Variants in FNDC3B observed in about 807,000 individuals in gnomAD.
FNDC3B encodes the protein fibronectin type III domain-containing protein 3B.
FNDC3B carries 12 observed loss-of-function variants against 151.5 expected under a neutral mutation model. The ratio of observed to expected loss-of-function variants is 0.08; its 90% CI spans 0.05 to 0.13. FNDC3B has a LOEUF of 0.13. Among genes scored for constraint, FNDC3B ranks in the 10% least tolerant of loss-of-function variants. The pLI is 1.00. For synonymous variants in FNDC3B, 528 were observed against 549.0 expected, an observed-to-expected ratio of 0.96 and a Z score of 0.54; for missense variants, 1,214 against 1,505.3, an observed-to-expected ratio of 0.81 and a Z score of 3.20.
At chr3:172,376,862 A>G (rs562146676) in intron 23 of FNDC3B, among the ~76,000 whole-genome samples, 109 of 84,932 alleles carry the variant, frequency 1.3e-3, no homozygotes, top group African/African-American at 3.2e-3. Flanking sequence ...AAAAAAAAAA[A>G]AAAGAAAGAA....
chr3:172,057,897 A>C (rs1374076088), intron 1 of FNDC3B, among the ~76,000 whole-genome samples: 1 of 151,768 alleles, frequency 6.6e-6, no homozygotes, highest in Admixed American at 6.6e-5. Context: ...TTAATTTTCT[A>C]ATTTGCAGGG....
chr3:172,095,074 G>A (rs888511057), intron 1 of FNDC3B, among the ~76,000 whole-genome samples: 5 of 151,816 alleles, frequency 3.3e-5, no homozygotes, highest in African/African-American at 4.8e-5. Flanking sequence ...TAAAATACTC[G>A]GCAATTTTTG....
intron 23 of FNDC3B, among the ~76,000 whole-genome samples, chr3:172,366,866 A>T (rs1458571209): frequency 6.6e-6 from 1 of 152,190 alleles, no homozygotes; most frequent in African/African-American, 2.4e-5. Flanking sequence ...ATAGGATGGA[A>T]ATTACAGGCA....
At chr3:172,262,360 C>T (rs1728688857) in intron 6 of FNDC3B, among the ~76,000 whole-genome samples, 1 of 152,192 alleles carries the variant, frequency 6.6e-6, no homozygotes, top group Admixed American at 6.5e-5. Context: ...ATCTCCTACT[C>T]TTTTCCTATT....
chr3:172,155,058 AG>A (rs1385666565), intron 3 of FNDC3B, among the ~76,000 whole-genome samples: 1 of 152,126 alleles, frequency 6.6e-6, no homozygotes, highest in Non-Finnish European at 1.5e-5. Flanking sequence ...AAGCTTTGAA[AG>A]GAAGAGCCCT....
chr3:172,294,529 A>T (rs1485950444), intron 7 of FNDC3B, among the ~76,000 whole-genome samples: 1 of 152,170 alleles, frequency 6.6e-6, no homozygotes, highest in African/African-American at 2.4e-5. Context: ...GTCCACCACA[A>T]TGATCCAGTC....
chr3:172,368,788 G>A (rs938921190), intron 23 of FNDC3B, among the ~76,000 whole-genome samples: 1 of 152,242 alleles, frequency 6.6e-6, no homozygotes, highest in East Asian at 1.9e-4. Context: ...AGGCAGATGC[G>A]TCACCTGAGG....
intron 1 of FNDC3B, among the ~76,000 whole-genome samples, chr3:172,041,472 T>C (rs1206098667): frequency 2.1e-5 from 3 of 140,362 alleles, no homozygotes; most frequent in Non-Finnish European, 4.5e-5. Context: ...TCCTCCTCCT[T>C]CTTGTTCTTG....
intron 11 of FNDC3B, chr3:172,321,803 A>G (rs1038099112): frequency 1.2e-5 from 2 of 172,548 alleles, no homozygotes; most frequent in Non-Finnish European, 2.4e-5. Flanking sequence ...CATATTGGCC[A>G]GGCTGGTCTC....
At chr3:172,162,858 T>G (rs980563720) in intron 3 of FNDC3B, among the ~76,000 whole-genome samples, 3 of 152,196 alleles carry the variant, frequency 2.0e-5, no homozygotes, top group Admixed American at 2.0e-4. Flanking sequence ...TGACTTCTGA[T>G]CATAGCACTA....
At position 172,268,062 on chromosome 3, in the gene FNDC3B, T is replaced by C. The variant is rs139659494; in HGVS notation, c.790+16521T>C. ...TGCCCATTGTAATAAACTTGTATCT[T>C]AGATTTCTTTTTTCACCCTTCAGTG... On this transcript the variant is annotated intron_variant, in intron 6 of 25. Transcript: ENST00000415807. Among the ~76,000 whole-genome samples the C allele has an allele frequency of 3.9e-5, 6 of 152,364 alleles. No homozygotes were observed. The East Asian group carries it at 1.2e-3, about 29-fold the overall frequency.
At chr3:172,246,177 C>G (rs4481179) in intron 4 of FNDC3B, among the ~76,000 whole-genome samples, 39,615 of 150,254 alleles carry the variant, frequency 0.26, 5,329 homozygotes, top group East Asian at 0.44. Flanking sequence ...CAGTTTTGTG[C>G]GGTTTTTAGA....
chr3:172,151,518 C>T (rs539673698), intron 3 of FNDC3B, among the ~76,000 whole-genome samples: 1 of 152,222 alleles, frequency 6.6e-6, no homozygotes, highest in South Asian at 2.1e-4. Flanking sequence ...ACCTTTGGAT[C>T]TAGCCCATCT....
chr3:172,391,176 CT>C (rs2108390707), intron 25 of FNDC3B, among the ~76,000 whole-genome samples: 1 of 152,248 alleles, frequency 6.6e-6, no homozygotes, highest in African/African-American at 2.4e-5. Flanking sequence ...GCCTTAGTTT[CT>C]TCATATCTAA....
intron 11 of FNDC3B, among the ~76,000 whole-genome samples, chr3:172,318,265 G>A (rs548071635): frequency 9.5e-4 from 145 of 152,326 alleles, no homozygotes; most frequent in Non-Finnish European, 1.6e-3. Flanking sequence ...ATGCCCCTGG[G>A]GAGCCATTAG....
chr3:172,085,056 C>T (rs868584742), intron 1 of FNDC3B, among the ~76,000 whole-genome samples: 4 of 152,110 alleles, frequency 2.6e-5, no homozygotes, highest in Admixed American at 1.3e-4. Context: ...GTGGTAAATA[C>T]GTGGTGCTAC....
At chr3:172,362,978 C>A in intron 23 of FNDC3B, 133 bp downstream of exon 23, 1 of 689,756 alleles carries the variant, frequency 1.4e-6, no homozygotes, top group Non-Finnish European at 2.4e-6. Context: ...TTGACTTGAG[C>A]CCTGCGTTTT....
At chr3:172,211,313 G>T (rs997506228) in intron 3 of FNDC3B, among the ~76,000 whole-genome samples, 1 of 152,198 alleles carries the variant, frequency 6.6e-6, no homozygotes, top group Admixed American at 6.5e-5. Flanking sequence ...CTGTTTGCAG[G>T]CTCTGCCTGT....
rs1734427364 is a variant in FNDC3B, at chr3:172,362,762, G to A, written c.2925G>A (p.Lys975=). 6.2e-7 allele frequency: 1 copy of A among 1,614,096 alleles called. No individual in the cohort carries two copies. The highest frequency in any genetic ancestry group is 1.3e-5 in the African/African-American group (1 of 75,040). ...CTGCTGCTGGTCCTCAGAGCCTGAA[G>A]CTAAAATGGGGAGACAGTAACTCCA... is the stretch of plus-strand genomic sequence containing the variant. ...ECAAAGPQSL[K]LKWGDSNSKT... Residue 975 remains lysine, a synonymous_variant, in exon 23 of 26, where the codon AAG becomes AAA. Coordinates refer to ENST00000415807, the MANE Select transcript of FNDC3B (RefSeq NM_022763.4).
Sources: allele counts gnomAD v4.1 joint callset (sites outside exome capture counted in the v4.1 genomes callset), GRCh38; gene constraint gnomAD v4.1.1; transcripts MANE v1.5; gene names NCBI Gene and HGNC (gene_info 2026-07-23, HGNC 2026-07-21).